The following TOP6BL variants were observed in gnomAD, a reference collection of about 807,000 sequenced individuals.
TOP6BL encodes the protein type 2 DNA topoisomerase 6 subunit B-like.
At chr11:66,813,771 G>A in the TOP6BL span, 74 of 1,178,540 alleles carry the variant, frequency 6.3e-5, no homozygotes, top group Non-Finnish European at 8.8e-5. Flanking sequence ...ACACTTATGG[G>A]AGTGTAAACC....
chr11:66,838,573 G>GT, the TOP6BL span: 4 of 782,540 alleles, frequency 5.1e-6, no homozygotes, highest in African/African-American at 5.3e-5. Context: ...TTAGTGGGCT[G>GT]TTGCTGCCAC....
chr11:66,800,396 C>CA, the TOP6BL span, among the ~76,000 whole-genome samples: 1 of 151,968 alleles, frequency 6.6e-6, no homozygotes, highest in South Asian at 2.1e-4. Context: ...TGTCTTACCA[C>CA]AAAAAATGCT....
chr11:66,818,972 A>G, the TOP6BL span, among the ~76,000 whole-genome samples: 3 of 152,232 alleles, frequency 2.0e-5, no homozygotes, highest in Non-Finnish European at 4.4e-5. Context: ...TCATCAATGT[A>G]TTAGTAAACA....
chr11:66,814,004 A>G, the TOP6BL span: 7 of 1,613,252 alleles, frequency 4.3e-6, no homozygotes, highest in African/African-American at 1.3e-5. Flanking sequence ...TTGGATCTCA[A>G]TTTGGATAGA....
At chr11:66,831,269 G>A in the TOP6BL span, among the ~76,000 whole-genome samples, 6 of 152,122 alleles carry the variant, frequency 3.9e-5, no homozygotes, top group Admixed American at 3.3e-4. Flanking sequence ...TTACCCAAGA[G>A]AAATGAGAAC....
At chr11:66,804,372 A>C in the TOP6BL span, among the ~76,000 whole-genome samples, 5 of 152,230 alleles carry the variant, frequency 3.3e-5, no homozygotes, top group African/African-American at 1.2e-4. Context: ...AAACTGTAAA[A>C]TGTGACACAT....
At chr11:66,794,859 G>A in the TOP6BL span, among the ~76,000 whole-genome samples, 1 of 152,276 alleles carries the variant, frequency 6.6e-6, no homozygotes, top group East Asian at 1.9e-4. Context: ...GGGGCCAGGC[G>A]CAGTGGCTCA....
the TOP6BL span, among the ~76,000 whole-genome samples, chr11:66,827,143 G>C: frequency 3.3e-5 from 5 of 151,530 alleles, no homozygotes; most frequent in African/African-American, 7.3e-5. Flanking sequence ...CACCACGCCT[G>C]ACTAATTTTT....
the TOP6BL span, among the ~76,000 whole-genome samples, chr11:66,798,219 G>A: frequency 6.6e-6 from 1 of 152,108 alleles, no homozygotes; most frequent in Non-Finnish European, 1.5e-5. Context: ...AAGTCAGATG[G>A]AGAAGAGGAA....
the TOP6BL span, among the ~76,000 whole-genome samples, chr11:66,838,160 G>A: frequency 6.6e-6 from 1 of 152,196 alleles, no homozygotes; most frequent in African/African-American, 2.4e-5. Flanking sequence ...GATGTGCCGT[G>A]AATGGCCAGA....
the TOP6BL span, among the ~76,000 whole-genome samples, chr11:66,824,276 G>A: frequency 7.2e-3 from 1,083 of 151,440 alleles, 15 homozygotes; most frequent in East Asian, 0.043. Flanking sequence ...TCGGAGTTTC[G>A]CTCTTGTTGC....
the TOP6BL span, chr11:66,843,116 G>GGCCACGGGCCGCTGCTGAGAGGTCCTC: frequency 3.1e-6 from 5 of 1,601,658 alleles, no homozygotes; most frequent in Non-Finnish European, 4.3e-6. Context: ...AGGAGGTGCA[G>GGCCACGGGCCGCTGCTGAGAGGTCCTC]GCCACGGGCC....
At chr11:66,763,437 G>A in the TOP6BL span, among the ~76,000 whole-genome samples, 3 of 151,998 alleles carry the variant, frequency 2.0e-5, no homozygotes, top group Admixed American at 6.6e-5. Context: ...AAAACTAATT[G>A]TGGAGGAAAA....
At chr11:66,834,988 A>AAGG in the TOP6BL span, among the ~76,000 whole-genome samples, 1 of 142,278 alleles carries the variant, frequency 7.0e-6, no homozygotes, top group Non-Finnish European at 1.5e-5. Flanking sequence ...GAGTAGTATC[A>AAGG]AGGAGGCAAT....
At chr11:66,784,015 G>GGTTTTTGTTTTGTTTTGTTTT in the TOP6BL span, among the ~76,000 whole-genome samples, 8 of 151,192 alleles carry the variant, frequency 5.3e-5, no homozygotes, top group Non-Finnish European at 8.8e-5. Context: ...TGTTTTTTTT[G>GGTTTTTGTTTTGTTTTGTTTT]GTTTTTGTTT....
the TOP6BL span, among the ~76,000 whole-genome samples, chr11:66,775,767 A>C: frequency 1.4e-4 from 22 of 152,160 alleles, no homozygotes; most frequent in Admixed American, 1.4e-3. Context: ...GGAAACGAGG[A>C]CCTGGGGCTT....
chr11:66,813,780 C>A, the TOP6BL span: 2 of 1,275,430 alleles, frequency 1.6e-6, no homozygotes, highest in Non-Finnish European at 2.2e-6. Flanking sequence ...GGAGTGTAAA[C>A]CAGGTCAGTG....
chr11:66,748,572 A>G, the TOP6BL span: 1 of 1,341,726 alleles, frequency 7.5e-7, no homozygotes, highest in South Asian at 1.5e-5. Context: ...TTTATGTCGT[A>G]GCTTATTTAA....
chr11:66,828,328 C>T, the TOP6BL span: 3 of 1,613,730 alleles, frequency 1.9e-6, no homozygotes, highest in Non-Finnish European at 2.5e-6. Flanking sequence ...TCACCCAACA[C>T]CAATTTCTTC....
Sources: allele counts gnomAD v4.1 joint callset (sites outside exome capture counted in the v4.1 genomes callset), GRCh38; gene constraint gnomAD v4.1.1; transcripts MANE v1.5; gene names NCBI Gene and HGNC (gene_info 2026-07-23, HGNC 2026-07-21).